Variants in ZBTB16 observed in about 807,000 individuals in gnomAD.
ZBTB16 encodes zinc finger and BTB domain-containing protein 16.
A neutral mutation model predicts 56.8 loss-of-function variants in ZBTB16; 8 were observed. The observed-to-expected ratio is 0.14, with a 90% CI of 0.08 to 0.25. The LOEUF (loss-of-function observed/expected upper bound fraction) is 0.25, where lower values mean the gene tolerates loss of function less well. Ranked by LOEUF, ZBTB16 falls within the 10% of genes least tolerant of loss-of-function variation. The pLI is 1.00. For synonymous variants in ZBTB16, 363 were observed against 368.5 expected (o/e 0.98, Z 0.17); for missense variants, 625 against 903.0 (o/e 0.69, Z 3.95).
intron 3 of ZBTB16, among the ~76,000 whole-genome samples, chr11:114,160,077 A>G (rs648044): frequency 0.66 from 100,903 of 152,030 alleles, 34,498 homozygotes; most frequent in African/African-American, 0.82. Flanking sequence ...TCTGCTCAGC[A>G]GAGCCGAACG....
chr11:114,230,157 T>G (rs953397871), intron 4 of ZBTB16, among the ~76,000 whole-genome samples: 4 of 152,240 alleles, frequency 2.6e-5, no homozygotes, highest in Admixed American at 6.5e-5. Context: ...CTCGATTTAT[T>G]GTTTATTCCT....
intron 2 of ZBTB16, among the ~76,000 whole-genome samples, chr11:114,071,490 A>G (rs77943462): frequency 0.013 from 1,992 of 152,310 alleles, 47 homozygotes; most frequent in African/African-American, 0.044. Context: ...TGCTCGTTCT[A>G]GGAAAACTAT....
chr11:114,256,031 T>TG lies in ZBTB16; in HGVS notation c.*5476_*5477insG, dbSNP rs999538990. 2.2e-4 allele frequency among the ~76,000 whole-genome samples: 26 copies of TG among 119,878 alleles called. No homozygotes were observed. The South Asian group carries it at 3.2e-3, about 15-fold the overall frequency. The allele number at this position is 119,878 out of a possible 152,430, so 78.6% of individuals were successfully genotyped here. On this transcript the variant is annotated 3_prime_UTR_variant, in exon 7 of 7. Transcript: ENST00000335953. ...TACTTGGTTTTGTTTTGTTTTTTTT[T>TG]TTTGTTTTTTTTGCCTTTTCTTGTG...
At chr11:114,094,729 T>C (rs911889879) in intron 2 of ZBTB16, among the ~76,000 whole-genome samples, 5 of 152,226 alleles carry the variant, frequency 3.3e-5, no homozygotes, top group African/African-American at 1.2e-4. Flanking sequence ...AGTGAGCTGG[T>C]TGGGGCTGGA....
At chr11:114,119,815 G>T (rs1358399000) in intron 2 of ZBTB16, among the ~76,000 whole-genome samples, 1 of 152,178 alleles carries the variant, frequency 6.6e-6, no homozygotes, top group Non-Finnish European at 1.5e-5. Flanking sequence ...GCTCAGAGTG[G>T]TTAAGCGCTT....
intron 2 of ZBTB16, among the ~76,000 whole-genome samples, chr11:114,096,509 C>A (rs558124379): frequency 2.0e-5 from 3 of 152,206 alleles, no homozygotes; most frequent in Admixed American, 2.0e-4. Flanking sequence ...TACAGTAAGT[C>A]CCCAGCAGAT....
intron 4 of ZBTB16, among the ~76,000 whole-genome samples, chr11:114,205,462 A>G (rs190474674): frequency 1.3e-5 from 2 of 152,240 alleles, no homozygotes; most frequent in Admixed American, 1.3e-4. Flanking sequence ...GTTAGCTAAC[A>G]GAGAGATTGT....
intron 5 of ZBTB16, chr11:114,246,732 G>A: frequency 4.7e-6 from 1 of 211,338 alleles, no homozygotes; most frequent in Non-Finnish European, 9.7e-6. Context: ...AGACTGTGGA[G>A]GAAGGAAATT....
At position 114,107,640 on chromosome 11, in the gene ZBTB16, G is replaced by C. The variant is rs76094478; in HGVS notation, c.1268+43072G>C. 6.0e-3 allele frequency among the ~76,000 whole-genome samples: 914 copies of C among 152,298 alleles called. 8 individuals carry two copies. The highest frequency in any genetic ancestry group is 0.02 in the African/African-American group (840 of 41,552). ...ACTAAAAGATTATTTTCTTTTCCCAGGGTGGGTGCGCAACATTGACTTTTT... is the reference window on the plus strand; with the variant it reads ...ACTAAAAGATTATTTTCTTTTCCCACGGTGGGTGCGCAACATTGACTTTTT... On this transcript the variant is annotated intron_variant, in intron 2 of 6. Transcript: ENST00000335953.
At position 114,254,110 on chromosome 11, in the gene ZBTB16, A is replaced by G. The variant is rs1944961054; in HGVS notation, c.*3555A>G. On this transcript the variant is annotated 3_prime_UTR_variant, in exon 7 of 7. Coordinates refer to ENST00000335953, the MANE Select transcript of ZBTB16 (RefSeq NM_006006.6). Reference sequence around the variant, plus strand: ...TTTACACCTCATGTGCTCTTTCCCTATTCACTCCTTCACTCATTCAAAGCA... The same window carrying G: ...TTTACACCTCATGTGCTCTTTCCCTGTTCACTCCTTCACTCATTCAAAGCA... Among the ~76,000 whole-genome samples the G allele has an allele frequency of 6.6e-6, 1 of 151,656 alleles. No homozygotes were observed. The highest frequency in any genetic ancestry group is 1.5e-5 in the Non-Finnish European group (1 of 67,962).
At chr11:114,247,937 G>A (rs1161499711) in intron 6 of ZBTB16, among the ~76,000 whole-genome samples, 4 of 149,912 alleles carry the variant, frequency 2.7e-5, no homozygotes, top group African/African-American at 9.8e-5. Flanking sequence ...CGCTCTTATT[G>A]GCCAGGCCGG....
intron 2 of ZBTB16, among the ~76,000 whole-genome samples, chr11:114,153,237 G>A (rs1023696628): frequency 6.6e-6 from 1 of 152,212 alleles, no homozygotes; most frequent in African/African-American, 2.4e-5. Flanking sequence ...GAGCAAACCA[G>A]TGCTGGGCTC....
rs187897457 is a variant in ZBTB16, at chr11:114,187,127, G to C, written c.1453+89G>C. On this transcript the variant is annotated intron_variant, in intron 4 of 6. Coordinates refer to ENST00000335953, the MANE Select transcript of ZBTB16 (RefSeq NM_006006.6). ...CTGTCTGGGTGGCAACCTCTTTTTA[G>C]CAAATGTGACATCCAGTAATTTCCT... The C allele has an allele frequency of 1.6e-4, 206 of 1,279,140 alleles. 1 individual carries two copies. In the Admixed American group the frequency reaches 2.2e-3, roughly 14 times the overall value. 79.2% of individuals were successfully genotyped at this position (1,279,140 alleles called of 1,614,324 possible). A position where few individuals can be genotyped will look rare whatever the true frequency, so the allele number is the denominator to read the frequency against.
Position 114,250,218 on chromosome 11 carries a change from AGCCCAGCTG to A in ZBTB16, c.1793-106_1793-98del. 7.8e-7 allele frequency: 1 copy of A among 1,275,758 alleles called. No homozygotes were observed. The highest frequency in any genetic ancestry group is 1.1e-6 in the Non-Finnish European group (1 of 889,760). 79.0% of individuals were successfully genotyped at this position (1,275,758 alleles called of 1,614,324 possible). On this transcript the variant is annotated intron_variant, in intron 6 of 6. Transcript: ENST00000335953. This position sits in a 1 kb window ranked among gnomAD's most constrained non-coding sequence, Gnocchi z 6.0. The stretch of plus-strand genomic sequence containing the variant: ...TGTCCCAGAAAGTTCTGTTGGAGCA[AGCCCAGCTG>A]GAGGAACCCAGCTTCCCTGGCACGC...
intron 2 of ZBTB16, among the ~76,000 whole-genome samples, chr11:114,091,007 G>A (rs1272960291): frequency 6.6e-6 from 1 of 152,156 alleles, no homozygotes; most frequent in Non-Finnish European, 1.5e-5. Context: ...GTAGTGGGAT[G>A]GTTAAAGAGC....
At chr11:114,152,438 G>A (rs1942300934) in intron 2 of ZBTB16, among the ~76,000 whole-genome samples, 1 of 152,200 alleles carries the variant, frequency 6.6e-6, no homozygotes, top group Admixed American at 6.5e-5. Flanking sequence ...GATTTGTTTA[G>A]CTTGAATTTC....
At chr11:114,212,277 A>T (rs1481814018) in intron 4 of ZBTB16, among the ~76,000 whole-genome samples, 1 of 152,176 alleles carries the variant, frequency 6.6e-6, no homozygotes, top group Non-Finnish European at 1.5e-5. Context: ...ACCTTAACAG[A>T]TACTTTTGTG....
intron 2 of ZBTB16, among the ~76,000 whole-genome samples, chr11:114,145,767 A>G (rs1942082198): frequency 6.6e-6 from 1 of 152,180 alleles, no homozygotes; most frequent in Non-Finnish European, 1.5e-5. Context: ...AGTGAATGGT[A>G]TACTTGACAA....
intron 4 of ZBTB16, chr11:114,189,315 C>T (rs1018687268): frequency 6.6e-6 from 1 of 152,150 alleles, no homozygotes; most frequent in African/African-American, 2.4e-5. Context: ...AGCCAATGAG[C>T]ACATGAAAAA....
Sources: gnomAD v4.1 joint callset for allele counts (sites outside exome capture counted in the v4.1 genomes callset) on GRCh38, gnomAD v4.1.1 for gene constraint, Gnocchi (gnomAD v3.1) non-coding constraint, MANE v1.5 for transcripts, NCBI Gene and HGNC (gene_info 2026-07-23, HGNC 2026-07-21) for gene names.